Variants in PDE3B observed in about 807,000 individuals in gnomAD.
PDE3B encodes cGMP-inhibited 3',5'-cyclic phosphodiesterase 3B.
PDE3B carries 66 observed loss-of-function variants against 116.8 expected under a neutral mutation model. That is an observed-to-expected ratio of 0.56 (90% CI 0.46 to 0.69). PDE3B has a LOEUF of 0.69. PDE3B is among the 30% of genes least tolerant of loss of function. The pLI is 0.00. For missense variants in PDE3B, 1,384 were observed against 1,368.1 expected, an observed-to-expected ratio of 1.01 and a Z score of -0.18; for synonymous variants, 595 against 533.6, an observed-to-expected ratio of 1.12 and a Z score of -1.59.
rs1258240422 is a variant in PDE3B at position 14,710,279 on chromosome 11, G to A, written c.979-61658G>A. On this transcript the variant is annotated intron_variant, in intron 1 of 15. Coordinates refer to ENST00000282096, the MANE Select transcript of PDE3B (RefSeq NM_000922.4). ...GTGTGGGCTCTGGCAGAGATGTGGT[G>A]CTGAATAGATGATTTATTTTTTTGA... Among the ~76,000 whole-genome samples the A allele has an allele frequency of 5.9e-5, 9 of 152,284 alleles. No individual in the cohort carries two copies. In the South Asian group the frequency reaches 1.9e-3, roughly 32 times the overall value.
At chr11:14,721,938 A>G (rs1590089175) in intron 1 of PDE3B, among the ~76,000 whole-genome samples, 1 of 147,450 alleles carries the variant, frequency 6.8e-6, no homozygotes, top group African/African-American at 2.5e-5. Flanking sequence ...AAAAAAAAAA[A>G]AAAGAAAATG....
At chr11:14,885,587 T>C in the PDE3B span, among the ~76,000 whole-genome samples, 1 of 152,192 alleles carries the variant, frequency 6.6e-6, no homozygotes, top group African/African-American at 2.4e-5. Flanking sequence ...CACAATAGAA[T>C]TAGCAATGTA....
At chr11:14,676,027 A>G (rs1565087011) in intron 1 of PDE3B, among the ~76,000 whole-genome samples, 1 of 152,190 alleles carries the variant, frequency 6.6e-6, no homozygotes, top group South Asian at 2.1e-4. Flanking sequence ...CAGTTGCCCT[A>G]CATCCTCACT....
intron 2 of PDE3B, chr11:14,772,895 C>T (rs1281677804): frequency 6.6e-6 from 1 of 151,894 alleles, no homozygotes; most frequent in Non-Finnish European, 1.5e-5. Context: ...TTGACGTACA[C>T]AAAAATGTTA....
intron 1 of PDE3B, among the ~76,000 whole-genome samples, chr11:14,670,914 C>T (rs1184948702): frequency 6.6e-6 from 1 of 151,366 alleles, no homozygotes; most frequent in African/African-American, 2.4e-5. Flanking sequence ...TCACCATGTT[C>T]CCCAGACTGG....
chr11:14,850,682 T>G (rs1299341633), intron 12 of PDE3B, among the ~76,000 whole-genome samples: 1 of 152,202 alleles, frequency 6.6e-6, no homozygotes, highest in Non-Finnish European at 1.5e-5. Context: ...TCTGGTATAT[T>G]ATTTTTGTAC....
chr11:14,846,946 A>G (rs1191271797), intron 12 of PDE3B, among the ~76,000 whole-genome samples: 1 of 152,208 alleles, frequency 6.6e-6, no homozygotes, highest in African/African-American at 2.4e-5. Context: ...CAGAAAGTTA[A>G]CAAGGATACC....
intron 1 of PDE3B, among the ~76,000 whole-genome samples, chr11:14,767,119 C>G (rs754582916): frequency 6.6e-6 from 1 of 151,464 alleles, no homozygotes; most frequent in Non-Finnish European, 1.5e-5. Context: ...GTTTTTGTCT[C>G]TTTTAGGAAC....
chr11:14,667,832 GTAT>G (rs1216564218), intron 1 of PDE3B, among the ~76,000 whole-genome samples: 2 of 97,218 alleles, frequency 2.1e-5, no homozygotes, highest in Admixed American at 2.4e-4. Flanking sequence ...AAAACTTAAA[GTAT>G]AATAATAATA....
chr11:14,760,361 G>T (rs1857324385), intron 1 of PDE3B, among the ~76,000 whole-genome samples: 1 of 152,186 alleles, frequency 6.6e-6, no homozygotes, highest in Admixed American at 6.5e-5. Flanking sequence ...ATTAAACAAT[G>T]ATTATGTGCT....
At chr11:14,867,257 T>C (rs547501987) in intron 14 of PDE3B, among the ~76,000 whole-genome samples, 91 of 152,324 alleles carry the variant, frequency 6.0e-4, no homozygotes, top group Non-Finnish European at 9.1e-4. Flanking sequence ...TTTTAATAGA[T>C]CTGTATGTTT....
At chr11:14,815,526 A>T (rs867506067) in intron 5 of PDE3B, among the ~76,000 whole-genome samples, 6 of 152,274 alleles carry the variant, frequency 3.9e-5, no homozygotes, top group African/African-American at 1.4e-4. Flanking sequence ...GAGGCTGCCC[A>T]TAGTTTTTTG....
At chr11:14,799,260 C>T (rs552533009) in intron 4 of PDE3B, among the ~76,000 whole-genome samples, 65 of 152,282 alleles carry the variant, frequency 4.3e-4, no homozygotes, top group Admixed American at 1.2e-3. Context: ...GTTTCCTAAT[C>T]CTGAGTTCTA....
chr11:14,830,112 A>G (rs1244788113), intron 7 of PDE3B, among the ~76,000 whole-genome samples: 1 of 152,256 alleles, frequency 6.6e-6, no homozygotes, highest in Non-Finnish European at 1.5e-5. Context: ...TATTTATTCT[A>G]CTGTCGATAG....
chr11:14,819,099 C>T (rs1292847575), intron 6 of PDE3B, 37 bp from the exon 7 acceptor site: 1 of 1,277,172 alleles, frequency 7.8e-7, no homozygotes, highest in Admixed American at 1.8e-5. Context: ...ACTTGTACCT[C>T]ATTTACCGTA....
At chr11:14,698,610 T>C (rs1855278884) in intron 1 of PDE3B, among the ~76,000 whole-genome samples, 1 of 151,962 alleles carries the variant, frequency 6.6e-6, no homozygotes, top group African/African-American at 2.4e-5. Context: ...TGTATGCATA[T>C]TATTAGGCTT....
In PDE3B at chr11:14,672,057, G is replaced by GTA. The variant is rs1159921299; in HGVS notation, c.978+27014_978+27015dup. ...TATATATATATATACATATATATAT[G>GTA]TATATATATATTTTATAGTGTTTAC... On this transcript the variant is annotated intron_variant, in intron 1 of 15. Coordinates refer to ENST00000282096, the MANE Select transcript of PDE3B (RefSeq NM_000922.4). Among the ~76,000 whole-genome samples the GTA allele has an allele frequency of 2.5e-4, 36 of 143,716 alleles. 1 individual carries two copies. Among genetic ancestry groups the GTA allele is most frequent in the East Asian group, 1.4e-3 (7 of 4,976 alleles). 94.3% of individuals were successfully genotyped at this position (143,716 alleles called of 152,430 possible).
At chr11:14,892,313 C>A in the PDE3B span, 1 of 1,102,828 alleles carries the variant, frequency 9.1e-7, no homozygotes, top group East Asian at 2.6e-5. Flanking sequence ...CGCCCTAGCT[C>A]CGTGGCCATT....
intron 1 of PDE3B, among the ~76,000 whole-genome samples, chr11:14,682,239 G>A (rs1014951540): frequency 2.6e-5 from 4 of 152,172 alleles, no homozygotes; most frequent in African/African-American, 9.7e-5. Flanking sequence ...GTGGACCTGT[G>A]CAGTTCAAAC....
Sources: gnomAD v4.1 joint callset for allele counts (sites outside exome capture counted in the v4.1 genomes callset) on GRCh38, gnomAD v4.1.1 for gene constraint, MANE v1.5 for transcripts, NCBI Gene and HGNC (gene_info 2026-07-23, HGNC 2026-07-21) for gene names.